The following TTN variants were observed in gnomAD, a reference collection of about 807,000 sequenced individuals.
The protein encoded by TTN is connectin.
Under a neutral mutation model 3,223.0 loss-of-function variants are expected in TTN, and 1,525 were observed. That is an observed-to-expected ratio of 0.47 (90% confidence interval 0.45 to 0.49). The LOEUF (loss-of-function observed/expected upper bound fraction) is 0.49, where lower values mean the gene tolerates loss of function less well. Among genes scored for constraint, TTN ranks in the 20% least tolerant of loss-of-function variants. The pLI, the probability that TTN is intolerant of heterozygous loss-of-function variation, is 0.00. For synonymous variants in TTN, 14,094 were observed against 15,161.0 expected, an observed-to-expected ratio of 0.93 and a Z score of 5.17; for missense variants, 40,786 against 43,424.0, an observed-to-expected ratio of 0.94 and a Z score of 5.40.
Position 178,531,463 on chromosome 2 carries a change from G to A in TTN, c.105152C>T (p.Ser35051Phe). 2 of 1,613,882 alleles carry A rather than the reference G, an allele frequency of 1.2e-6. No homozygotes were observed. Among genetic ancestry groups the A allele is most frequent in the Admixed American group, 1.7e-5 (1 of 60,028 alleles). Reference sequence around the variant, plus strand: ...TGTTCTTGTCAGCTCAGGGAAAACAGATCTGGGGACCTCTTCATCTCTGCG... The same window carrying A: ...TGTTCTTGTCAGCTCAGGGAAAACAAATCTGGGGACCTCTTCATCTCTGCG... ...SQRRDEEVPR[S>F]VFPELTRTEA... Residue 35051 changes from serine to phenylalanine, a missense_variant, in exon 358 of 363, where the codon TCT becomes TTT. Coordinates refer to ENST00000589042, the MANE Select transcript of TTN (RefSeq NM_001267550.2).
At position 178,634,292 on chromosome 2, in the gene TTN, C is replaced by G. The variant is rs1417695130; in HGVS notation, c.42415+74G>C. The stretch of plus-strand genomic sequence containing the variant: ...TGATGCATTATCACAGCTTTTAGAA[C>G]TTGGCGTCCTATCTTTAAAGTCATA... On this transcript the variant is annotated intron_variant, in intron 230 of 362. Coordinates refer to ENST00000589042, the MANE Select transcript of TTN (RefSeq NM_001267550.2). This position sits in a 1 kb window ranked among gnomAD's most constrained non-coding sequence, Gnocchi z 4.6. 1 of 1,543,374 alleles carries G rather than the reference C, an allele frequency of 6.5e-7. No individual in the cohort carries two copies. Among genetic ancestry groups the G allele is most frequent in the African/African-American group, 1.4e-5 (1 of 71,750 alleles).
intron 153 of TTN, 66 bp downstream of exon 153, chr2:178,672,569 A>G (rs2067196286): frequency 1.2e-6 from 2 of 1,602,272 alleles, no homozygotes; most frequent in African/African-American, 1.3e-5. Flanking sequence ...ACACAGAGAC[A>G]TGAAACATAA....
Position 178,591,046 on chromosome 2 carries a change from T to C in TTN, c.60679A>G (p.Ser20227Gly). The change falls in exon 304 of 363, where the codon AGT becomes GGT. Residue 20227 changes from serine to glycine, a missense_variant. Ser to Gly is a moderately conservative substitution (Grantham distance 56). Coordinates refer to ENST00000589042, the MANE Select transcript of TTN (RefSeq NM_001267550.2). The stretch of plus-strand genomic sequence containing the variant: ...TGTGGGATTTTCAGCTTTGTCTTAC[T>C]GCTTCCGGAAGAGACAACACCCCAC... Reference protein sequence around the residue: ...DTWGVVSSGSSKTKLKIPHLQ... With the variant: ...DTWGVVSSGSGKTKLKIPHLQ... 1.2e-6 allele frequency: 2 copies of C among 1,613,490 alleles called. No homozygotes were observed. The highest frequency in any genetic ancestry group is 1.7e-6 in the Non-Finnish European group (2 of 1,179,580).
Position 178,565,934 on chromosome 2 carries a change from A to T in TTN, c.80198T>A (p.Val26733Glu), listed in dbSNP as rs746813986. The change falls in exon 326 of 363, where the codon GTG becomes GAG. Residue 26733 changes from valine to glutamate, a missense_variant. Transcript: ENST00000589042. ...ACTTGTTTTGCTGCATTTACTACTC[A>T]CATTAGCATACGCTTTTCTGGTTGA... is the stretch of plus-strand genomic sequence containing the variant. ...RESTRKAYAN[V>E]SSKCSKTSFK... The T allele has an allele frequency of 1.9e-6, 3 of 1,613,578 alleles. No homozygotes were observed. The highest frequency in any genetic ancestry group is 2.7e-5 in the African/African-American group (2 of 75,004).
At position 178,714,421 on chromosome 2, in the gene TTN, T is replaced by A. The variant is rs2077149198; in HGVS notation, c.26353A>T (p.Ile8785Phe). The part of the protein sequence containing the change: ...EIVRESDNIW[I>F]SYSENIATLQ... Reference sequence around the variant, plus strand: ...GTTGCAATGTTTTCTGAATAAGAAATCCATATGTTGTCACTTTCTCTAACG... The same window carrying A: ...GTTGCAATGTTTTCTGAATAAGAAAACCATATGTTGTCACTTTCTCTAACG... Residue 8785 changes from isoleucine (I) to phenylalanine (F), a missense_variant, in exon 91 of 363, where the codon ATT becomes TTT. Coordinates refer to ENST00000589042, the MANE Select transcript of TTN (RefSeq NM_001267550.2). The A allele has an allele frequency of 1.2e-6, 2 of 1,613,786 alleles. No individual in the cohort carries two copies. The highest frequency in any genetic ancestry group is 1.7e-5 in the Admixed American group (1 of 59,998).
Position 178,719,398 on chromosome 2 carries a change from G to A in TTN, c.23992C>T (p.Leu7998=). ...IRKLKDVNAI[L]GASVVLECRV... ...CACTCCAAAACAACTGAGGCCCCCA[G>A]GATGGCATTCACGTCTTTCAGCTTG... Residue 7998 remains leucine, a synonymous_variant, in exon 83 of 363, where the codon CTG becomes TTG. Transcript: ENST00000589042. The A allele has an allele frequency of 6.2e-7, 1 of 1,613,632 alleles. No individual in the cohort carries two copies. Among genetic ancestry groups the A allele is most frequent in the Middle Eastern group, 1.7e-4 (1 of 6,054 alleles).
rs1334601287 is a variant in TTN at position 178,573,210 on chromosome 2, G to C, written c.72922C>G (p.Pro24308Ala). ...TTGTAAAATGGACTGGTAGGACTTG[G>C]TGCACTAATTCCAGCAGCATTTTCA... ...MAENAAGISA[P>A]SPTSPFYKAC... The change falls in exon 326 of 363, where the codon CCA becomes GCA. Residue 24308 changes from proline (P) to alanine (A), a missense_variant. Pro to Ala is a conservative substitution (Grantham distance 27, BLOSUM62 -1). Transcript: ENST00000589042. 6.2e-7 allele frequency: 1 copy of C among 1,607,514 alleles called. No homozygotes were observed. Among genetic ancestry groups the C allele is most frequent in the Admixed American group, 1.7e-5 (1 of 59,678 alleles).
chr2:178,562,938 C>A lies in TTN; in HGVS notation c.83194G>T (p.Val27732Leu). ...TCAAATCTGGTAACATTATCAATCA[C>A]CAACATTGTAAATGAGCTGGTCACC... is the stretch of plus-strand genomic sequence containing the variant. ...IEVTSSFTML[V>L]IDNVTRFDSG... The change falls in exon 326 of 363, where the codon GTG becomes TTG. Residue 27732 changes from valine (V) to leucine (L), a missense_variant. Val to Leu is a conservative substitution (Grantham distance 32). Transcript: ENST00000589042. 2 of 1,613,618 alleles carry A rather than the reference C, an allele frequency of 1.2e-6. No homozygotes were observed. Among genetic ancestry groups the A allele is most frequent in the Non-Finnish European group, 1.7e-6 (2 of 1,179,732 alleles).
chr2:178,593,472 A>T lies in TTN; in HGVS notation c.58736T>A (p.Val19579Asp). 1.2e-6 allele frequency: 2 copies of T among 1,605,316 alleles called. No homozygotes were observed. The highest frequency in any genetic ancestry group is 1.1e-5 in the South Asian group (1 of 88,038). The change falls in exon 299 of 363, where the codon GTT becomes GAT. Residue 19579 changes from valine (V) to aspartate (D), a missense_variant. Val to Asp is a radical substitution (Grantham distance 152, BLOSUM62 -3). Transcript: ENST00000589042. ...DSMKAKDRFR[V>D]PDAPDQPIVT... is the part of the protein sequence containing the mutation. ...AATTGGCTGATCAGGTGCATCAGGA[A>T]CCCCTGTAACAAATGTTGGAAAATG...
chr2:178,794,610 A>G (rs2093674489), intron 7 of TTN, 59 bp from the exon 8 acceptor site: 3 of 1,610,578 alleles, frequency 1.9e-6, no homozygotes. Flanking sequence ...GTAGAAAATA[A>G]AAAAGCATAC....
At chr2:178,782,488 C>A in intron 19 of TTN, 51 bp downstream of exon 19, 2 of 1,613,698 alleles carry the variant, frequency 1.2e-6, no homozygotes, top group Non-Finnish European at 1.7e-6. Context: ...ACTGGTGGGG[C>A]TGAAAGTCAA....
intron 308 of TTN, 37 bp downstream of exon 308, chr2:178,586,468 C>G (rs759833719): frequency 1.6e-4 from 260 of 1,600,618 alleles, no homozygotes; most frequent in Non-Finnish European, 2.1e-4. Context: ...TTCTAATAAA[C>G]TTACCACATG....
chr2:178,783,863 T>A, intron 16 of TTN, 78 bp from the exon 17 acceptor site: 1 of 1,034,160 alleles, frequency 9.7e-7, no homozygotes, highest in Non-Finnish European at 1.3e-6. Flanking sequence ...CATGCAACAT[T>A]ATATAATTAT....
rs774081159 is a variant in TTN, at chr2:178,531,634, C to T, written c.104981G>A (p.Ser34994Asn). Residue 34994 changes from serine (S) to asparagine (N), a missense_variant, in exon 358 of 363, where the codon AGT becomes AAT. Coordinates refer to ENST00000589042, the MANE Select transcript of TTN (RefSeq NM_001267550.2). ...CAGAATTTCCAGGGTGAGGACTCCA[C>T]TCGTGTTGGTGTAATGAATCTTACT... is the stretch of plus-strand genomic sequence containing the variant. ...ESSKIHYTNT[S>N]GVLTLEILDC... The T allele has an allele frequency of 3.1e-6, 5 of 1,614,008 alleles. No individual in the cohort carries two copies. Among genetic ancestry groups the T allele is most frequent in the Middle Eastern group, 1.6e-4 (1 of 6,062 alleles).
At position 178,685,262 on chromosome 2, in the gene TTN, G is replaced by C; in HGVS notation, c.32461C>G (p.Pro10821Ala). ...TTGAAAGAAATCATACCTTTAGCCGGTGGAGGCTCCTCTATTTTAGCAGGA... is the reference window on the plus strand; with the variant it reads ...TTGAAAGAAATCATACCTTTAGCCGCTGGAGGCTCCTCTATTTTAGCAGGA... The part of the protein sequence containing the change: ...KIPAKIEEPP[P>A]AKVPEAPKKI... The change falls in exon 129 of 363, where the codon CCG becomes GCG. Residue 10821 changes from proline (P) to alanine (A), a missense_variant. Physicochemically the swap from Pro to Ala is conservative, Grantham distance 27 (BLOSUM62 -1). Coordinates refer to ENST00000589042, the MANE Select transcript of TTN (RefSeq NM_001267550.2). 1.3e-6 allele frequency: 2 copies of C among 1,548,304 alleles called. No homozygotes were observed. The highest frequency in any genetic ancestry group is 1.7e-6 in the Non-Finnish European group (2 of 1,146,276).
rs774404108 is a variant in TTN at position 178,593,044 on chromosome 2, G to A, written c.59075C>T (p.Thr19692Ile). Residue 19692 changes from threonine (T) to isoleucine (I), a missense_variant, in exon 300 of 363, where the codon ACA becomes ATA. Thr to Ile is a moderately conservative substitution (Grantham distance 89). Coordinates refer to ENST00000589042, the MANE Select transcript of TTN (RefSeq NM_001267550.2). ...SPPVNPEAID[T>I]TCNSVDLTWQ... The stretch of plus-strand genomic sequence containing the variant: ...AGTTAGATCGACTGAATTGCATGTT[G>A]TATCTATTGCTTCAGGATTAACAGG... 1 of 1,613,258 alleles carries A rather than the reference G, an allele frequency of 6.2e-7. No individual in the cohort carries two copies. The highest frequency in any genetic ancestry group is 1.3e-5 in the African/African-American group (1 of 74,872).
At chr2:178,596,838 G>A (rs2051780832) in intron 294 of TTN, among the ~76,000 whole-genome samples, 2 of 151,982 alleles carry the variant, frequency 1.3e-5, no homozygotes, top group Non-Finnish European at 2.9e-5. Flanking sequence ...TTCGTGTTCT[G>A]AGCAAATCAC....
intron 13 of TTN, among the ~76,000 whole-genome samples, chr2:178,788,492 A>G (rs1323896978): frequency 6.6e-6 from 1 of 152,078 alleles, no homozygotes; most frequent in Non-Finnish European, 1.5e-5. Flanking sequence ...AAAGGTTTAA[A>G]AAGTTTATCT....
At chr2:178,594,999 A>G (rs570115283) in intron 295 of TTN, among the ~76,000 whole-genome samples, 2 of 152,170 alleles carry the variant, frequency 1.3e-5, no homozygotes, top group East Asian at 3.9e-4. Flanking sequence ...AATTTGATAA[A>G]TGAACTAGGA....
Sources: gnomAD v4.1 joint callset for allele counts (sites outside exome capture counted in the v4.1 genomes callset) on GRCh38, gnomAD v4.1.1 for gene constraint, Gnocchi (gnomAD v3.1) non-coding constraint, MANE v1.5 for transcripts, NCBI Gene and HGNC (gene_info 2026-07-23, HGNC 2026-07-21) for gene names.